Variants in ST14 observed in about 807,000 individuals in gnomAD.
The protein encoded by ST14 is ST14 transmembrane serine protease matriptase.
Under a neutral mutation model 96.5 loss-of-function variants are expected in ST14, and 40 were observed. That is an observed-to-expected ratio of 0.41 (90% CI 0.32 to 0.54). ST14 has a LOEUF of 0.54. Among genes scored for constraint, ST14 ranks in the 20% least tolerant of loss-of-function variants. The pLI is 0.17. For missense variants in ST14, 1,066 were observed against 1,188.9 expected, an observed-to-expected ratio of 0.90 and a Z score of 1.52; for synonymous variants, 506 against 492.1, an observed-to-expected ratio of 1.03 and a Z score of -0.37.
rs1190140930 is a variant in ST14 at position 130,181,128 on chromosome 11, G to C, written c.82-6986G>C. Among the ~76,000 whole-genome samples, 1 of 151,658 alleles carries C rather than the reference G, an allele frequency of 6.6e-6. No homozygotes were observed. The highest frequency in any genetic ancestry group is 2.4e-5 in the African/African-American group (1 of 41,168). The stretch of plus-strand genomic sequence containing the variant: ...CGGTGGTCTGATTTTGTCCCTGCTG[G>C]GTGGGATGGCGGTGGTCCCTGCTGG... On this transcript the variant is annotated intron_variant, in intron 1 of 18. Transcript: ENST00000278742. The surrounding 1 kb of genome is among the most constrained non-coding windows in gnomAD (Gnocchi z 4.1).
intron 1 of ST14, among the ~76,000 whole-genome samples, chr11:130,161,290 G>T (rs1952996623): frequency 1.3e-5 from 2 of 152,206 alleles, no homozygotes; most frequent in South Asian, 4.1e-4. Context: ...GTGCCCTGCT[G>T]TGAGGCAGAT....
chr11:130,191,651 C>T (rs1185675626), intron 7 of ST14, among the ~76,000 whole-genome samples: 2 of 147,834 alleles, frequency 1.4e-5, no homozygotes, highest in Non-Finnish European at 3.0e-5. Flanking sequence ...GATCGTACCA[C>T]TACACTCCAG....
rs772021263 is a variant in ST14, at chr11:130,194,166, C to T, written c.893C>T (p.Pro298Leu). 2.5e-6 allele frequency: 4 copies of T among 1,614,208 alleles called. No individual in the cohort carries two copies. The highest frequency in any genetic ancestry group is 8.5e-7 in the Non-Finnish European group (1 of 1,180,030). ...HALVQLCGTY[P>L]PSYNLTFHSS... is the part of the protein sequence containing the mutation. Reference sequence around the variant, plus strand: ...CCCCACAGGTTGTGTGGCACCTACCCTCCCTCCTACAACCTGACCTTCCAC... The same window carrying T: ...CCCCACAGGTTGTGTGGCACCTACCTTCCCTCCTACAACCTGACCTTCCAC... Residue 298 changes from proline to leucine, a missense_variant, in exon 8 of 19, where the codon CCT becomes CTT. By Grantham distance (98) the Pro-to-Leu change is moderately conservative (BLOSUM62 -3). Transcript: ENST00000278742.
intron 1 of ST14, among the ~76,000 whole-genome samples, chr11:130,185,432 A>G (rs1201884546): frequency 6.6e-6 from 1 of 152,214 alleles, no homozygotes; most frequent in East Asian, 1.9e-4. Context: ...ATGGAAGGAT[A>G]GCTTGAAGCC....
intron 17 of ST14, 95 bp from the exon 18 acceptor site, chr11:130,209,347 C>CT (rs1953523219): frequency 6.6e-7 from 1 of 1,516,006 alleles, no homozygotes; most frequent in Non-Finnish European, 8.9e-7. Flanking sequence ...TGGGCTGTTC[C>CT]AGAGTTTTCT....
chr11:130,182,922 T>C (rs978798084), intron 1 of ST14, among the ~76,000 whole-genome samples: 2 of 151,384 alleles, frequency 1.3e-5, no homozygotes, highest in African/African-American at 4.9e-5. Flanking sequence ...AATGCTGGGA[T>C]TACAGGCATG....
At chr11:130,167,364 T>G (rs1953050998) in intron 1 of ST14, among the ~76,000 whole-genome samples, 1 of 152,218 alleles carries the variant, frequency 6.6e-6, no homozygotes, top group African/African-American at 2.4e-5. Flanking sequence ...TATAGAAATG[T>G]ACAGTGTAAA....
At chr11:130,183,689 C>G (rs948617464) in intron 1 of ST14, among the ~76,000 whole-genome samples, 2 of 152,138 alleles carry the variant, frequency 1.3e-5, no homozygotes, top group African/African-American at 4.8e-5. Flanking sequence ...TATTTTACAT[C>G]TTTCAGTGTA....
chr11:130,160,317 T>C (rs1388963896), intron 1 of ST14, among the ~76,000 whole-genome samples: 1 of 152,014 alleles, frequency 6.6e-6, no homozygotes, highest in Non-Finnish European at 1.5e-5. Context: ...GTCCTTTCTT[T>C]CCCTGAGTTG....
intron 11 of ST14, among the ~76,000 whole-genome samples, chr11:130,197,043 T>C (rs1261496935): frequency 6.6e-6 from 1 of 152,190 alleles, no homozygotes; most frequent in Non-Finnish European, 1.5e-5. Flanking sequence ...CTGTGGCCTG[T>C]TAGCACCGTT....
At chr11:130,189,304 T>A in intron 4 of ST14, 1 of 453,662 alleles carries the variant, frequency 2.2e-6, no homozygotes, top group Non-Finnish European at 4.0e-6. Flanking sequence ...TTTTCACGCA[T>A]ACTTTTGTAA....
At chr11:130,196,985 G>C (rs1953373659) in intron 11 of ST14, among the ~76,000 whole-genome samples, 1 of 152,110 alleles carries the variant, frequency 6.6e-6, no homozygotes, top group Admixed American at 6.6e-5. Flanking sequence ...CCGGCCATCT[G>C]TCCCTCAGGC....
chr11:130,210,090 C>A lies in ST14; in HGVS notation c.*267C>A, dbSNP rs1953536884. On this transcript the variant is annotated 3_prime_UTR_variant, in exon 19 of 19. Coordinates refer to ENST00000278742, the MANE Select transcript of ST14 (RefSeq NM_021978.4). ...AGGTTTGAAGACACAGCCTCCCCCG[C>A]CAGCCCCAAGCTGGGCCGAGGCGCG... is the stretch of plus-strand genomic sequence containing the variant. The A allele has an allele frequency of 4.1e-6, 2 of 488,858 alleles. No individual in the cohort carries two copies. The highest frequency in any genetic ancestry group is 2.5e-5 in the South Asian group (1 of 40,212). The allele number at this position is 488,858 out of a possible 1,614,324, so 30.3% of individuals were successfully genotyped here. A position where few individuals can be genotyped will look rare whatever the true frequency, so the allele number is the denominator to read the frequency against.
At chr11:130,194,766 G>C in intron 9 of ST14, 29 bp downstream of exon 9, 1 of 1,605,824 alleles carries the variant, frequency 6.2e-7, no homozygotes, top group Non-Finnish European at 8.5e-7. Context: ...GTGAACGTGT[G>C]TGTGTGTGAG....
Position 130,194,141 on chromosome 11 carries a change from C to A in ST14, c.876-8C>A, listed in dbSNP as rs1565625352. On this transcript the variant is annotated splice_region_variant and splice_polypyrimidine_tract_variant and intron_variant, in intron 7 of 18. Coordinates refer to ENST00000278742, the MANE Select transcript of ST14 (RefSeq NM_021978.4). Reference sequence around the variant, plus strand: ...GCTCTTCCTAATGCCCGCCCTCTGCCCCCACAGGTTGTGTGGCACCTACCC... The same window carrying A: ...GCTCTTCCTAATGCCCGCCCTCTGCACCCACAGGTTGTGTGGCACCTACCC... 2 of 1,614,206 alleles carry A rather than the reference C, an allele frequency of 1.2e-6. No individual in the cohort carries two copies. The highest frequency in any genetic ancestry group is 1.6e-4 in the Middle Eastern group (1 of 6,062).
At chr11:130,199,113 G>A in intron 15 of ST14, 44 bp downstream of exon 15, 5 of 1,594,906 alleles carry the variant, frequency 3.1e-6, no homozygotes, top group Non-Finnish European at 4.3e-6. Context: ...TGTTCACTGT[G>A]TGAAGTGCCC....
At chr11:130,198,897 C>A in intron 14 of ST14, 50 bp from the exon 15 acceptor site, 1 of 1,612,172 alleles carries the variant, frequency 6.2e-7, no homozygotes, top group South Asian at 1.1e-5. Flanking sequence ...GGCTTCTGGT[C>A]GGATGCTGCA....
intron 1 of ST14, 150 bp downstream of exon 1, chr11:130,160,210 G>A: frequency 3.9e-6 from 2 of 514,366 alleles, no homozygotes; most frequent in Admixed American, 4.6e-5. Context: ...GCGGGTGCCG[G>A]GCCGCGGGCG....
At chr11:130,194,600 G>A (rs950925861) in intron 8 of ST14, 40 bp from the exon 9 acceptor site, 32 of 1,606,848 alleles carry the variant, frequency 2.0e-5, no homozygotes, top group Non-Finnish European at 2.5e-5. Flanking sequence ...CGGCCGGGCA[G>A]GTTCCTGATC....
Sources: gnomAD v4.1 joint callset for allele counts (sites outside exome capture counted in the v4.1 genomes callset) on GRCh38, gnomAD v4.1.1 for gene constraint, Gnocchi (gnomAD v3.1) non-coding constraint, MANE v1.5 for transcripts, NCBI Gene and HGNC (gene_info 2026-07-23, HGNC 2026-07-21) for gene names.